Variants in SLC29A4 observed in about 807,000 individuals in gnomAD.
SLC29A4 encodes solute carrier family 29 member 4.
In SLC29A4, 36 loss-of-function variants were observed where a neutral mutation model predicts 43.9. The ratio of observed to expected loss-of-function variants is 0.82; its 90% CI spans 0.63 to 1.08. SLC29A4 has a LOEUF of 1.08. SLC29A4 is among the 50% of genes least tolerant of loss of function. The pLI, the probability that SLC29A4 is intolerant of heterozygous loss-of-function variation, is 0.00. For synonymous variants in SLC29A4, 491 were observed against 338.0 expected, an observed-to-expected ratio of 1.45 and a Z score of -4.97; for missense variants, 869 against 755.3, an observed-to-expected ratio of 1.15 and a Z score of -1.77.
Position 5,296,985 on chromosome 7 carries a change from G to C in SLC29A4, c.669G>C (p.Leu223=). The stretch of plus-strand genomic sequence containing the variant: ...TGAGCCGCATCCTCACGAAGCTGCT[G>C]CTGCCCGACGAGCGCGCCAGCACGC... ...ISLSRILTKL[L]LPDERASTLI... is the part of the protein sequence containing the mutation. The change falls in exon 7 of 11, where the codon CTG becomes CTC. Residue 223 remains leucine, a synonymous_variant. Coordinates refer to ENST00000396872, the MANE Select transcript of SLC29A4 (RefSeq NM_153247.4). 1 of 1,602,958 alleles carries C rather than the reference G, an allele frequency of 6.2e-7. No individual in the cohort carries two copies. The highest frequency in any genetic ancestry group is 8.5e-7 in the Non-Finnish European group (1 of 1,179,514).
chr7:5,287,491 G>A (rs1340663656), intron 1 of SLC29A4, among the ~76,000 whole-genome samples: 19 of 152,138 alleles, frequency 1.2e-4, no homozygotes, highest in Non-Finnish European at 2.9e-5. Flanking sequence ...TCCTCTGGAT[G>A]GATAGAAAGG....
intron 2 of SLC29A4, 119 bp from the exon 3 acceptor site, chr7:5,290,613 G>T (rs775993106): frequency 1.5e-6 from 2 of 1,329,442 alleles, no homozygotes; most frequent in Admixed American, 2.3e-5. Context: ...GGGGAGCAGG[G>T]GTCACGGTGA....
Position 5,299,155 on chromosome 7 carries a change from G to A in SLC29A4, c.1021+29G>A. 2.5e-6 allele frequency: 4 copies of A among 1,602,064 alleles called. 1 individual carries two copies. In the South Asian group the frequency reaches 4.4e-5, roughly 18 times the overall value. ...AGTGCGGGGAGTCCTCTGCTGCCCT[G>A]GCTCTGGCACCCAGGCAGGGGGTGG... is the stretch of plus-strand genomic sequence containing the variant. On this transcript the variant is annotated intron_variant, in intron 8 of 10. Coordinates refer to ENST00000396872, the MANE Select transcript of SLC29A4 (RefSeq NM_153247.4).
At position 5,302,780 on chromosome 7, in the gene SLC29A4, G is replaced by C; in HGVS notation, c.1451-17G>C. The stretch of plus-strand genomic sequence containing the variant: ...GCCGCCCTGGCCCTGCTCCCCTCAG[G>C]CTGGTGTTGTCCACAGGGAACACCA... On this transcript the variant is annotated splice_polypyrimidine_tract_variant and intron_variant, in intron 10 of 10. Coordinates refer to ENST00000396872, the MANE Select transcript of SLC29A4 (RefSeq NM_153247.4). 1 of 1,548,410 alleles carries C rather than the reference G, an allele frequency of 6.5e-7. No homozygotes were observed. The highest frequency in any genetic ancestry group is 1.4e-5 in the African/African-American group (1 of 73,126).
intron 5 of SLC29A4, among the ~76,000 whole-genome samples, chr7:5,294,298 A>G (rs1436843658): frequency 1.3e-5 from 2 of 152,022 alleles, no homozygotes; most frequent in Admixed American, 1.3e-4. Flanking sequence ...CCAGGGCTGG[A>G]TTTGCTAGAC....
At chr7:5,286,387 G>A (rs1459925867) in intron 1 of SLC29A4, among the ~76,000 whole-genome samples, 1 of 151,792 alleles carries the variant, frequency 6.6e-6, no homozygotes, top group African/African-American at 2.4e-5. Flanking sequence ...GCCGGGTGTG[G>A]CGGCGGGCAC....
intron 9 of SLC29A4, among the ~76,000 whole-genome samples, chr7:5,299,726 G>A (rs1275958133): frequency 6.6e-6 from 1 of 152,206 alleles, no homozygotes; most frequent in Non-Finnish European, 1.5e-5. Flanking sequence ...CCCCAGAGGG[G>A]ACTCAGAGAA....
chr7:5,300,776 AAC>A lies in SLC29A4; in HGVS notation c.1450+116_1450+117del, dbSNP rs760706498. 7.0e-4 allele frequency: 978 copies of A among 1,400,640 alleles called. 1 individual carries two copies. The highest frequency in any genetic ancestry group is 3.6e-3 in the Middle Eastern group (14 of 3,926). 86.8% of individuals were successfully genotyped at this position (1,400,640 alleles called of 1,614,324 possible). ...GTGCATTTGGGTTCCGGGGGTTCAG[AAC>A]AGTCAGTGTCTGGGAGGCCGTAGGT... On this transcript the variant is annotated intron_variant, in intron 10 of 10. Transcript: ENST00000396872.
intron 5 of SLC29A4, among the ~76,000 whole-genome samples, chr7:5,294,327 G>A (rs1319585456): frequency 6.6e-6 from 1 of 152,126 alleles, no homozygotes; most frequent in Non-Finnish European, 1.5e-5. Flanking sequence ...AGGGGCCTGT[G>A]CACTTCTATT....
Position 5,303,077 on chromosome 7 carries a change from TC to T in SLC29A4, c.*140del. On this transcript the variant is annotated 3_prime_UTR_variant, in exon 11 of 11. Coordinates refer to ENST00000396872, the MANE Select transcript of SLC29A4 (RefSeq NM_153247.4). ...TGCCAGCAGCCCCACTCCCTCAGGG[TC>T]CAGCCATGCCCCACCCTGGACTGAA... is the stretch of plus-strand genomic sequence containing the variant. 9.6e-7 allele frequency: 1 copy of T among 1,039,534 alleles called. No homozygotes were observed. The highest frequency in any genetic ancestry group is 1.4e-6 in the Non-Finnish European group (1 of 726,600). 64.4% of individuals were successfully genotyped at this position (1,039,534 alleles called of 1,614,324 possible). A position where few individuals can be genotyped will look rare whatever the true frequency, so the allele number is the denominator to read the frequency against.
intron 7 of SLC29A4, among the ~76,000 whole-genome samples, 197 bp from the exon 8 acceptor site, chr7:5,298,791 C>T (rs375209225): frequency 4.6e-5 from 7 of 152,258 alleles, no homozygotes; most frequent in African/African-American, 1.4e-4. Context: ...CAGAGCAAGA[C>T]CCTCTCTCTA....
chr7:5,300,854 C>T (rs961832076), intron 10 of SLC29A4, among the ~76,000 whole-genome samples, 192 bp downstream of exon 10: 4 of 152,178 alleles, frequency 2.6e-5, no homozygotes, highest in African/African-American at 9.7e-5. Context: ...TTCGTTCATC[C>T]CACAACTACT....
At chr7:5,286,315 G>C (rs1784943129) in intron 1 of SLC29A4, among the ~76,000 whole-genome samples, 1 of 151,982 alleles carries the variant, frequency 6.6e-6, no homozygotes, top group African/African-American at 2.4e-5. Flanking sequence ...ACAAGGTCAA[G>C]AGGTCGAGAC....
At chr7:5,292,531 C>T (rs1218647622) in intron 5 of SLC29A4, among the ~76,000 whole-genome samples, 2 of 152,012 alleles carry the variant, frequency 1.3e-5, no homozygotes, top group Non-Finnish European at 2.9e-5. Flanking sequence ...CTCCCTCCAC[C>T]CCGTCTCTCT....
chr7:5,290,285 G>A (rs533703566), intron 2 of SLC29A4, among the ~76,000 whole-genome samples: 1 of 152,100 alleles, frequency 6.6e-6, no homozygotes, highest in East Asian at 1.9e-4. Flanking sequence ...GGATAGTCTC[G>A]ATCTCCTGAC....
chr7:5,289,275 T>C (rs1432809547), intron 2 of SLC29A4, among the ~76,000 whole-genome samples: 2 of 152,032 alleles, frequency 1.3e-5, no homozygotes, highest in Non-Finnish European at 2.9e-5. Flanking sequence ...CACACGCCTG[T>C]AATCCCAGCT....
intron 10 of SLC29A4, among the ~76,000 whole-genome samples, chr7:5,301,888 C>T (rs1434058069): frequency 2.0e-5 from 3 of 152,118 alleles, no homozygotes; most frequent in African/African-American, 4.8e-5. Flanking sequence ...TTGGTACGTT[C>T]CAGGTGCCCA....
Position 5,300,652 on chromosome 7 carries a change from G to T in SLC29A4, c.1440G>T (p.Arg480=). 1 of 1,608,304 alleles carries T rather than the reference G, an allele frequency of 6.2e-7. No homozygotes were observed. Among genetic ancestry groups the T allele is most frequent in the Non-Finnish European group, 8.5e-7 (1 of 1,178,850 alleles). The change falls in exon 10 of 11, where the codon CGG becomes CGT. Residue 480 remains arginine (R), a synonymous_variant. Coordinates refer to ENST00000396872, the MANE Select transcript of SLC29A4 (RefSeq NM_153247.4). ...CAGGCAAAGTGAGCCCCAAGCAGCG[G>T]GAGCTGGCAGGTGAGGCCCGCGGGA... ...LAAGKVSPKQ[R]ELAGNTMTVS...
rs1786289842 is a variant in SLC29A4 at position 5,303,132 on chromosome 7, C to T, written c.*193C>T. On this transcript the variant is annotated 3_prime_UTR_variant, in exon 11 of 11. Coordinates refer to ENST00000396872, the MANE Select transcript of SLC29A4 (RefSeq NM_153247.4). ...CTGCAAAGTCCTCCGAGGACCGGAA[C>T]ACGTTTCTGCGACCCGGGGCTCTGG... 1 of 666,884 alleles carries T rather than the reference C, an allele frequency of 1.5e-6. No homozygotes were observed. Among genetic ancestry groups the T allele is most frequent in the Non-Finnish European group, 2.5e-6 (1 of 398,732 alleles). 41.3% of individuals were successfully genotyped at this position (666,884 alleles called of 1,614,324 possible).
Sources: allele counts gnomAD v4.1 joint callset (sites outside exome capture counted in the v4.1 genomes callset), GRCh38; gene constraint gnomAD v4.1.1; transcripts MANE v1.5; gene names NCBI Gene and HGNC (gene_info 2026-07-23, HGNC 2026-07-21).